The following CHD2 variants were observed in gnomAD, a reference collection of about 807,000 sequenced individuals.
The protein encoded by CHD2 is chromodomain helicase DNA binding protein 2, also known as ATP-dependent chromatin remodeler CHD2.
Under a neutral mutation model 243.9 loss-of-function variants are expected in CHD2, and 28 were observed. The ratio of observed to expected loss-of-function variants is 0.11; its 90% CI spans 0.09 to 0.16. The LOEUF is 0.16. CHD2 is among the 10% of genes least tolerant of loss of function. The pLI, the probability that CHD2 is intolerant of heterozygous loss-of-function variation, is 1.00. For missense variants in CHD2, 1,386 were observed against 2,209.8 expected, an observed-to-expected ratio of 0.63 and a Z score of 7.47; for synonymous variants, 775 against 779.0, an observed-to-expected ratio of 0.99 and a Z score of 0.09.
intron 32 of CHD2, among the ~76,000 whole-genome samples, chr15:93,001,940 G>A (rs2054262414): frequency 6.6e-6 from 1 of 152,142 alleles, no homozygotes. Context: ...TACGTTGAAG[G>A]GTTGCTATGA....
Position 93,014,744 on chromosome 15 carries a change from C to G in CHD2, c.4741C>G (p.Pro1581Ala), listed in dbSNP as rs1405308674. ...DVTGGKKPFR[P>A]EASGSSRDSL... ...GACTGGGGGTAAGAAACCATTTCGT[C>G]CAGAGGCCTCAGGCTCCAGCCGGGA... Residue 1581 changes from proline to alanine, a missense_variant, in exon 37 of 39, where the codon CCA becomes GCA. Physicochemically the swap from Pro to Ala is conservative, Grantham distance 27. Transcript: ENST00000394196. 4 of 1,614,034 alleles carry G rather than the reference C, an allele frequency of 2.5e-6. No homozygotes were observed. The East Asian group carries it at 6.7e-5, about 27-fold the overall frequency.
chr15:92,999,530 G>A (rs1425803481), intron 31 of CHD2, among the ~76,000 whole-genome samples: 1 of 152,134 alleles, frequency 6.6e-6, no homozygotes, highest in Non-Finnish European at 1.5e-5. Flanking sequence ...GTTACACCCT[G>A]TACTAGCAGC....
chr15:92,970,430 A>G (rs1192517779), intron 17 of CHD2, among the ~76,000 whole-genome samples: 1 of 152,084 alleles, frequency 6.6e-6, no homozygotes, highest in African/African-American at 2.4e-5. Flanking sequence ...CGAACTCCCA[A>G]CCTCAGGTGA....
chr15:92,971,256 A>C (rs952834458), intron 17 of CHD2, among the ~76,000 whole-genome samples: 6 of 152,236 alleles, frequency 3.9e-5, no homozygotes, highest in African/African-American at 1.4e-4. Context: ...AAGCATTCCA[A>C]ATCTGGAAAT....
intron 18 of CHD2, 123 bp from the exon 19 acceptor site, chr15:92,972,142 A>G: frequency 9.0e-7 from 1 of 1,117,026 alleles, no homozygotes. Flanking sequence ...ATTGCTGGTC[A>G]AGCAGGTTGC....
intron 6 of CHD2, among the ~76,000 whole-genome samples, chr15:92,938,179 C>T (rs552213256): frequency 6.6e-6 from 1 of 152,308 alleles, no homozygotes; most frequent in South Asian, 2.1e-4. Context: ...AAATTTCATC[C>T]ACCACCTATT....
At chr15:92,907,566 C>T (rs2052645989) in intron 2 of CHD2, among the ~76,000 whole-genome samples, 1 of 152,134 alleles carries the variant, frequency 6.6e-6, no homozygotes, top group Non-Finnish European at 1.5e-5. Flanking sequence ...GGTATGAGTT[C>T]AGCTTTTACT....
chr15:92,993,265 G>C, intron 28 of CHD2: 1 of 346,916 alleles, frequency 2.9e-6, no homozygotes, highest in Non-Finnish European at 5.4e-6. Context: ...AAATTCGTCG[G>C]AGTGATGTAA....
chr15:92,959,392 G>A (rs2053656992), intron 16 of CHD2, among the ~76,000 whole-genome samples: 1 of 152,222 alleles, frequency 6.6e-6, no homozygotes, highest in Non-Finnish European at 1.5e-5. Context: ...TAAATGTCAT[G>A]CTTTGTTTCT....
chr15:92,952,117 TTC>T (rs1480404855), intron 13 of CHD2, among the ~76,000 whole-genome samples: 1 of 152,206 alleles, frequency 6.6e-6, no homozygotes, highest in East Asian at 1.9e-4. Flanking sequence ...AATGACTGTA[TTC>T]TGTTTCCCAA....
chr15:92,940,794 AATATATAAATAAAT>A (rs1596393663), intron 7 of CHD2, among the ~76,000 whole-genome samples: 1 of 143,976 alleles, frequency 6.9e-6, no homozygotes, highest in Non-Finnish European at 1.5e-5. Flanking sequence ...AAAATATATA[AATATATAAATAAAT>A]ATAAATATAT....
rs2054578139 is a variant in CHD2, at chr15:93,025,292, CATT to C, written c.*590_*592del. 6.5e-6 allele frequency: 1 copy of C among 152,974 alleles called. No individual in the cohort carries two copies. Among genetic ancestry groups the C allele is most frequent in the East Asian group, 1.9e-4 (1 of 5,190 alleles). 9.5% of individuals were successfully genotyped at this position (152,974 alleles called of 1,614,324 possible). On this transcript the variant is annotated 3_prime_UTR_variant, in exon 39 of 39. Coordinates refer to ENST00000394196, the MANE Select transcript of CHD2 (RefSeq NM_001271.4). ...TTGGGAGAAGTGATACACTCGGCCT[CATT>C]ATGTGAAACCTGTGGGTGGGGTTGG...
At chr15:93,022,338 C>A (rs945141884) in intron 38 of CHD2, among the ~76,000 whole-genome samples, 1 of 152,100 alleles carries the variant, frequency 6.6e-6, no homozygotes, top group African/African-American at 2.4e-5. Flanking sequence ...CCAGCTCTCA[C>A]GTGAACTCAG....
At chr15:92,922,430 C>T (rs1465028882) in intron 2 of CHD2, among the ~76,000 whole-genome samples, 1 of 152,126 alleles carries the variant, frequency 6.6e-6, no homozygotes, top group East Asian at 1.9e-4. Flanking sequence ...TTGAGAACCT[C>T]CCCTCGACCC....
chr15:93,021,410 A>G (rs1386423908), intron 38 of CHD2: 2 of 152,190 alleles, frequency 1.3e-5, no homozygotes, highest in Admixed American at 6.5e-5. Flanking sequence ...TATTGTTTCC[A>G]TAAAATTTGG....
At position 92,980,869 on chromosome 15, in the gene CHD2, G is replaced by C; in HGVS notation, c.2931G>C (p.Glu977Asp). 6.2e-7 allele frequency: 1 copy of C among 1,613,810 alleles called. No individual in the cohort carries two copies. Among genetic ancestry groups the C allele is most frequent in the Non-Finnish European group, 8.5e-7 (1 of 1,179,832 alleles). ...ELTAILKFGA[E>D]DLFKELEGEE... ...CAGCTATTTTGAAATTTGGAGCAGA[G>C]GATCTCTTCAAAGAACTGGAAGGGG... is the stretch of plus-strand genomic sequence containing the variant. The change falls in exon 23 of 39, where the codon GAG becomes GAC. Residue 977 changes from glutamate to aspartate, a missense_variant. By Grantham distance (45) the Glu-to-Asp change is conservative. Around this residue, in one of 19 missense-constraint regions of CHD2, gnomAD observed 99 missense variants for 206.4 expected, o/e 0.48. Transcript: ENST00000394196.
intron 26 of CHD2, among the ~76,000 whole-genome samples, chr15:92,986,596 C>T (rs965323609): frequency 6.6e-6 from 1 of 152,184 alleles, no homozygotes; most frequent in African/African-American, 2.4e-5. Context: ...CACCCCACCT[C>T]TTCTTGCTCC....
At chr15:92,931,555 G>A (rs1446271642) in intron 5 of CHD2, among the ~76,000 whole-genome samples, 1 of 151,476 alleles carries the variant, frequency 6.6e-6, no homozygotes, top group African/African-American at 2.4e-5. Flanking sequence ...TTGTATTTTT[G>A]TAGACATAGA....
intron 12 of CHD2, among the ~76,000 whole-genome samples, chr15:92,948,656 A>G (rs572970108): frequency 3.0e-4 from 46 of 152,040 alleles, no homozygotes; most frequent in African/African-American, 1.1e-3. Context: ...GCATGGTGAA[A>G]CCCCATCTCT....
Sources: allele counts gnomAD v4.1 joint callset (sites outside exome capture counted in the v4.1 genomes callset), GRCh38; gene constraint gnomAD v4.1.1; regional missense constraint gnomAD v4.1.1; transcripts MANE v1.5; gene names NCBI Gene and HGNC (gene_info 2026-07-23, HGNC 2026-07-21).